The following NPHP3 variants were observed in gnomAD, a reference collection of about 807,000 sequenced individuals.
NPHP3 encodes nephrocystin 3.
Under a neutral mutation model 171.9 loss-of-function variants are expected in NPHP3, and 123 were observed. The observed-to-expected ratio is 0.72, with a 90% CI of 0.62 to 0.83. The LOEUF (loss-of-function observed/expected upper bound fraction) is 0.83. Among genes scored for constraint, NPHP3 ranks in the 40% least tolerant of loss-of-function variants. NPHP3 has a pLI of 0.00. For synonymous variants in NPHP3, 558 were observed against 579.2 expected, an observed-to-expected ratio of 0.96 and a Z score of 0.52; for missense variants, 1,506 against 1,591.9, an observed-to-expected ratio of 0.95 and a Z score of 0.92.
At position 132,688,769 on chromosome 3, in the gene NPHP3, G is replaced by A. The variant is rs767038794; in HGVS notation, c.3006C>T (p.Gly1002=). The A allele has an allele frequency of 1.9e-6, 3 of 1,613,924 alleles. No homozygotes were observed. Among genetic ancestry groups the A allele is most frequent in the East Asian group, 2.2e-5 (1 of 44,886 alleles). Residue 1002 remains glycine, a synonymous_variant, in exon 21 of 27, where the codon GGC becomes GGT. Coordinates refer to ENST00000337331, the MANE Select transcript of NPHP3 (RefSeq NM_153240.5). ...ASVYVQWKKF[G]NAEQLYKQAL... is the part of the protein sequence containing the mutation. ...CCTGTTTATACAGTTGTTCTGCATTGCCAAACTTCTTCCACTGCACGTATA... is the reference window on the plus strand; with the variant it reads ...CCTGTTTATACAGTTGTTCTGCATTACCAAACTTCTTCCACTGCACGTATA...
chr3:132,700,341 G>T lies in NPHP3; in HGVS notation c.1736C>A (p.Thr579Asn). ...SESSLIIKRL[T>N]LKLMQHSWSV... ...AAAGATGGGATACTATACCTTTAGA[G>T]TTAGTCGTTTAATAATCAAGGAGGA... Residue 579 changes from threonine to asparagine, a missense_variant, in exon 11 of 27, where the codon ACT (threonine) becomes AAT (asparagine). Around this residue, in one of 3 missense-constraint regions of NPHP3, gnomAD observed 930 missense variants for 924.9 expected, o/e 1.01. Coordinates refer to ENST00000337331, the MANE Select transcript of NPHP3 (RefSeq NM_153240.5). The T allele has an allele frequency of 6.3e-7, 1 of 1,593,030 alleles. No homozygotes were observed. The highest frequency in any genetic ancestry group is 8.6e-7 in the Non-Finnish European group (1 of 1,160,922).
At chr3:132,702,544 C>G (rs1217660244) in intron 9 of NPHP3, among the ~76,000 whole-genome samples, 1 of 152,164 alleles carries the variant, frequency 6.6e-6, no homozygotes, top group Admixed American at 6.5e-5. Context: ...TATCTTGAGA[C>G]TTGACTTTTT....
chr3:132,722,348 G>A lies in NPHP3; in HGVS notation c.8C>T (p.Thr3Ile). Reference sequence around the variant, plus strand: ...CGCGGGGCTCACGAGCGACGAGGCGGTCCCCATGGCGTCCGTTGCCGCTAC... The same window carrying A: ...CGCGGGGCTCACGAGCGACGAGGCGATCCCCATGGCGTCCGTTGCCGCTAC... MG[T>I]ASSLVSPAGG... The change falls in exon 1 of 27, where the codon ACC (threonine) becomes ATC (isoleucine). Residue 3 changes from threonine (T) to isoleucine (I), a missense_variant. By Grantham distance (89) the Thr-to-Ile change is moderately conservative (BLOSUM62 -1). This residue lies in a region of NPHP3 where 7 missense variants were observed against 18.9 expected (regional missense o/e 0.37). Transcript: ENST00000337331. 6.3e-7 allele frequency: 1 copy of A among 1,577,116 alleles called. No individual in the cohort carries two copies. The highest frequency in any genetic ancestry group is 8.5e-7 in the Non-Finnish European group (1 of 1,170,962).
chr3:132,682,793 A>G lies in NPHP3; in HGVS notation c.3722T>C (p.Leu1241Ser), dbSNP rs756330976. 202 of 1,611,342 alleles carry G rather than the reference A, an allele frequency of 1.3e-4. No homozygotes were observed. Among genetic ancestry groups the G allele is most frequent in the Non-Finnish European group, 1.6e-4 (191 of 1,177,630 alleles). ...ATAAATCTTTAATGCTCTTTCATAT[A>G]ATGGCAAAGCTTCAACGTGTTTTTT... ...QMKKHVEALPLYERALKIYED... is the reference protein window; with the variant it reads ...QMKKHVEALPSYERALKIYED... The change falls in exon 26 of 27, where the codon TTA becomes TCA. Residue 1241 changes from leucine to serine, a missense_variant. By Grantham distance (145) the Leu-to-Ser change is moderately radical (BLOSUM62 -2). Coordinates refer to ENST00000337331, the MANE Select transcript of NPHP3 (RefSeq NM_153240.5).
chr3:132,692,539 C>T, intron 17 of NPHP3, 115 bp downstream of exon 17: 1 of 878,738 alleles, frequency 1.1e-6, no homozygotes, highest in Non-Finnish European at 1.8e-6. Flanking sequence ...TATAGCAGAT[C>T]TTTAGAATTT....
chr3:132,701,293 A>G (rs1220940740), intron 10 of NPHP3, 137 bp downstream of exon 10: 1 of 659,036 alleles, frequency 1.5e-6, no homozygotes, highest in Non-Finnish European at 2.8e-6. Flanking sequence ...CAGGGCATGA[A>G]CCTATTGTTT....
chr3:132,716,651 C>A (rs1252330402), intron 4 of NPHP3, 106 bp downstream of exon 4: 13 of 1,274,624 alleles, frequency 1.0e-5, no homozygotes, highest in Non-Finnish European at 1.4e-5. Flanking sequence ...GCACTAGGAA[C>A]ACAAATTTCA....
chr3:132,689,019 A>C, intron 20 of NPHP3, 55 bp downstream of exon 20: 2 of 1,612,056 alleles, frequency 1.2e-6, no homozygotes, highest in East Asian at 4.5e-5. Flanking sequence ...AAAAGAGAAG[A>C]GTGAACACAA....
intron 16 of NPHP3, among the ~76,000 whole-genome samples, 178 bp downstream of exon 16, chr3:132,694,649 T>C (rs1410315053): frequency 1.3e-5 from 2 of 152,074 alleles, no homozygotes; most frequent in Non-Finnish European, 2.9e-5. Flanking sequence ...GAAAAGATGA[T>C]AAATCTCAAT....
intron 6 of NPHP3, among the ~76,000 whole-genome samples, chr3:132,712,896 T>C (rs1456479675): frequency 2.6e-5 from 4 of 152,172 alleles, no homozygotes; most frequent in African/African-American, 9.6e-5. Flanking sequence ...AAACTCTGAT[T>C]AAAATAAGCT....
At chr3:132,697,152 C>T in intron 14 of NPHP3, 108 bp downstream of exon 14, 1 of 808,332 alleles carries the variant, frequency 1.2e-6, no homozygotes, top group Non-Finnish European at 2.1e-6. Context: ...TACTAAACTC[C>T]AGTTTTCCTT....
intron 13 of NPHP3, 135 bp from the exon 14 acceptor site, chr3:132,697,497 A>G (rs1939485891): frequency 6.4e-6 from 4 of 625,014 alleles, no homozygotes; most frequent in Admixed American, 2.8e-5. Flanking sequence ...ACTAATGTCT[A>G]TTAATCATAT....
At chr3:132,716,972 C>T (rs1576685990) in intron 3 of NPHP3, 63 bp from the exon 4 acceptor site, 1 of 1,498,046 alleles carries the variant, frequency 6.7e-7, no homozygotes, top group East Asian at 2.3e-5. Flanking sequence ...AAACTCATCA[C>T]ATATACCGAA....
intron 7 of NPHP3, among the ~76,000 whole-genome samples, chr3:132,706,363 A>AC (rs892237614): frequency 6.6e-6 from 1 of 151,748 alleles, no homozygotes; most frequent in African/African-American, 2.4e-5. Flanking sequence ...TGTCTCAAAA[A>AC]AAAAAACAAA....
Position 132,689,152 on chromosome 3 carries a change from G to A in NPHP3, c.2805C>T (p.Gly935=), listed in dbSNP as rs1281725083. Reference sequence around the variant, plus strand: ...CAGCTAAGCAACTCATGTTGTCCTCGCCTTCGCAGTTTTTCTCATACTGCT... The same window carrying A: ...CAGCTAAGCAACTCATGTTGTCCTCACCTTCGCAGTTTTTCTCATACTGCT... The part of the protein sequence containing the change: ...SLKQYEKNCE[G]EDNMSCLADL... Residue 935 remains glycine (G), a synonymous_variant, in exon 20 of 27, where the codon GGC becomes GGT. Coordinates refer to ENST00000337331, the MANE Select transcript of NPHP3 (RefSeq NM_153240.5). 9 of 1,614,076 alleles carry A rather than the reference G, an allele frequency of 5.6e-6. No individual in the cohort carries two copies. The highest frequency in any genetic ancestry group is 4.4e-5 in the South Asian group (4 of 91,084).
At chr3:132,706,508 T>C (rs1468208961) in intron 7 of NPHP3, among the ~76,000 whole-genome samples, 1 of 152,128 alleles carries the variant, frequency 6.6e-6, no homozygotes, top group African/African-American at 2.4e-5. Context: ...AATAAAGCTA[T>C]AATTCTATAA....
In NPHP3 at chr3:132,683,544, T is replaced by A; in HGVS notation, c.3571-20A>T. 6.2e-7 allele frequency: 1 copy of A among 1,600,640 alleles called. No individual in the cohort carries two copies. Among genetic ancestry groups the A allele is most frequent in the South Asian group, 1.1e-5 (1 of 90,506 alleles). ...TTTCCCCTAAAAAACAAGAGTTAAA[T>A]CTAACAAAAATATAAGGCAATAAAT... On this transcript the variant is annotated intron_variant, in intron 24 of 26. Coordinates refer to ENST00000337331, the MANE Select transcript of NPHP3 (RefSeq NM_153240.5).
chr3:132,686,443 C>G, intron 22 of NPHP3, 56 bp from the exon 23 acceptor site: 1 of 1,609,414 alleles, frequency 6.2e-7, no homozygotes, highest in South Asian at 1.1e-5. Flanking sequence ...ATCCTTGATT[C>G]TGAAACAATA....
rs1488359125 is a variant in NPHP3, at chr3:132,716,873, G to C, written c.707C>G (p.Ala236Gly). ...GTQCEYWTGG[A>G]LGSEPSIGSM... is the part of the protein sequence containing the mutation. ...TCCTATGGAAGGTTCACTTCCCAAGGCTCCGCCAGTCCAATATTCACATTG... is the reference window on the plus strand; with the variant it reads ...TCCTATGGAAGGTTCACTTCCCAAGCCTCCGCCAGTCCAATATTCACATTG... The change falls in exon 4 of 27, where the codon GCC becomes GGC. Residue 236 changes from alanine to glycine, a missense_variant. Physicochemically the swap from Ala to Gly is moderately conservative, Grantham distance 60. Around this residue, in one of 3 missense-constraint regions of NPHP3, gnomAD observed 930 missense variants for 924.9 expected, o/e 1.01. Transcript: ENST00000337331. The C allele has an allele frequency of 4.3e-6, 7 of 1,613,912 alleles. No homozygotes were observed. Among genetic ancestry groups the C allele is most frequent in the Non-Finnish European group, 5.9e-6 (7 of 1,180,002 alleles).
Sources: gnomAD v4.1 joint callset for allele counts (sites outside exome capture counted in the v4.1 genomes callset) on GRCh38, gnomAD v4.1.1 for gene constraint, gnomAD v4.1.1 regional missense constraint, MANE v1.5 for transcripts, NCBI Gene and HGNC (gene_info 2026-07-23, HGNC 2026-07-21) for gene names.